The following NLRX1 variants were observed in gnomAD, a reference collection of about 807,000 sequenced individuals.
The protein encoded by NLRX1 is NOD-like receptor X1.
NLRX1 carries 67 observed loss-of-function variants against 74.2 expected under a neutral mutation model. The observed-to-expected ratio is 0.90, with a 90% confidence interval of 0.74 to 1.11. The LOEUF is 1.11. Among genes scored for constraint, NLRX1 ranks in the 50% least tolerant of loss-of-function variants. NLRX1 has a pLI of 0.00. For synonymous variants in NLRX1, 506 were observed against 559.1 expected, an observed-to-expected ratio of 0.91 and a Z score of 1.34; for missense variants, 1,191 against 1,305.4, an observed-to-expected ratio of 0.91 and a Z score of 1.35.
intron 6 of NLRX1, chr11:119,178,019 A>G (rs1405055600): frequency 2.0e-5 from 3 of 152,104 alleles, no homozygotes; most frequent in African/African-American, 4.8e-5. Flanking sequence ...AAACATGAAA[A>G]CAAGCCAGGT....
At chr11:119,169,787 C>T (rs1360698213) in intron 1 of NLRX1, among the ~76,000 whole-genome samples, 1 of 151,980 alleles carries the variant, frequency 6.6e-6, no homozygotes, top group African/African-American at 2.4e-5. Context: ...CCCAGGAGTT[C>T]GAGACCACCC....
In NLRX1 at chr11:119,180,301, C is replaced by G. The variant is rs768009791; in HGVS notation, c.2267+13C>G. Reference sequence around the variant, plus strand: ...CCCGGAAGCTGGGGTGAGGACCTATCCTCATGCACAGGCATGAAGAGGGAA... The same window carrying G: ...CCCGGAAGCTGGGGTGAGGACCTATGCTCATGCACAGGCATGAAGAGGGAA... On this transcript the variant is annotated intron_variant, in intron 7 of 9. Coordinates refer to ENST00000409109, the MANE Select transcript of NLRX1 (RefSeq NM_001282144.2). 2 of 1,551,126 alleles carry G rather than the reference C, an allele frequency of 1.3e-6. No homozygotes were observed. The highest frequency in any genetic ancestry group is 2.7e-5 in the African/African-American group (2 of 73,718).
Position 119,172,950 on chromosome 11 carries a change from G to C in NLRX1, c.190G>C (p.Gly64Arg). 6.2e-7 allele frequency: 1 copy of C among 1,613,868 alleles called. No individual in the cohort carries two copies. ...CTCGGTAGATAGCGCTCCCCCACCCGGGAGGCATGGACGGCTGTTCCCCAG... is the reference window on the plus strand; with the variant it reads ...CTCGGTAGATAGCGCTCCCCCACCCCGGAGGCATGGACGGCTGTTCCCCAG... ...GSSVDSAPPP[G>R]RHGRLFPSAS... is the part of the protein sequence containing the mutation. The change falls in exon 4 of 10, where the codon GGG (glycine) becomes CGG (arginine). Residue 64 changes from glycine (G) to arginine (R), a missense_variant. Gly to Arg is a moderately radical substitution (Grantham distance 125). Transcript: ENST00000409109.
chr11:119,170,047 C>CT (rs1228791626), intron 1 of NLRX1, among the ~76,000 whole-genome samples: 3 of 136,124 alleles, frequency 2.2e-5, no homozygotes, highest in African/African-American at 5.4e-5. Flanking sequence ...GGTTGGGACT[C>CT]TAACAGAGGA....
At position 119,183,366 on chromosome 11, in the gene NLRX1, G is replaced by A. The variant is rs766310885; in HGVS notation, c.2855G>A (p.Arg952His). Residue 952 changes from arginine to histidine, a missense_variant, in exon 10 of 10, where the codon CGC becomes CAC. By Grantham distance (29) the Arg-to-His change is conservative. Transcript: ENST00000409109. The surrounding 1 kb of genome is among the most constrained non-coding windows in gnomAD (Gnocchi z 5.7). ...DSRGATLNPW[R>H]KAQLLRVEGE... The stretch of plus-strand genomic sequence containing the variant: ...CGGGGTGCCACCCTTAATCCTTGGC[G>A]CAAGGCCCAGCTGCTGCGAGTGGAG... The A allele has an allele frequency of 2.2e-5, 35 of 1,614,176 alleles. No homozygotes were observed. The Middle Eastern group carries it at 6.6e-4, about 30-fold the overall frequency.
intron 6 of NLRX1, among the ~76,000 whole-genome samples, 171 bp downstream of exon 6, chr11:119,175,445 G>T (rs1209624293): frequency 6.6e-6 from 1 of 152,224 alleles, no homozygotes; most frequent in Non-Finnish European, 1.5e-5. Flanking sequence ...TCAGCTCTGA[G>T]CATTTTGGCT....
Position 119,172,946 on chromosome 11 carries a change from A to AC in NLRX1, c.189dup (p.Gly64ArgfsTer14), listed in dbSNP as rs776804178. The AC allele has an allele frequency of 6.2e-7, 1 of 1,613,660 alleles. No individual in the cohort carries two copies. Among genetic ancestry groups the AC allele is most frequent in the Non-Finnish European group, 8.5e-7 (1 of 1,179,872 alleles). ...GAAGCTCGGTAGATAGCGCTCCCCC[A>AC]CCCGGGAGGCATGGACGGCTGTTCC... On this transcript the variant is annotated frameshift_variant, in exon 4 of 10. Transcript: ENST00000409109. LOFTEE classifies it high-confidence loss of function.
rs139350263 is a variant in NLRX1 at position 119,172,927 on chromosome 11, C to T, written c.167C>T (p.Ser56Leu). Residue 56 changes from serine (S) to leucine (L), a missense_variant, in exon 4 of 10, where the codon TCG becomes TTG. Physicochemically the swap from Ser to Leu is moderately radical, Grantham distance 145. Coordinates refer to ENST00000409109, the MANE Select transcript of NLRX1 (RefSeq NM_001282144.2). ...GCCTTTATACGCCACCACGGAAGCT[C>T]GGTAGATAGCGCTCCCCCACCCGGG... is the stretch of plus-strand genomic sequence containing the variant. ...PRAFIRHHGS[S>L]VDSAPPPGRH... The T allele has an allele frequency of 1.4e-5, 23 of 1,613,834 alleles. No individual in the cohort carries two copies. The highest frequency in any genetic ancestry group is 8.0e-5 in the African/African-American group (6 of 74,868).
At chr11:119,171,252 G>A in intron 1 of NLRX1, 104 bp from the exon 2 acceptor site, 1 of 705,792 alleles carries the variant, frequency 1.4e-6, no homozygotes, top group Non-Finnish European at 2.2e-6. Context: ...TTTGAGGAAG[G>A]GCTGATCCTC....
chr11:119,174,438 C>A lies in NLRX1; in HGVS notation c.850-15C>A. ...CACTAAGGTCTTTCTTAACTCTCAACCATGCTCTTCCCAGGCCAGCATTCT... is the reference window on the plus strand; with the variant it reads ...CACTAAGGTCTTTCTTAACTCTCAAACATGCTCTTCCCAGGCCAGCATTCT... On this transcript the variant is annotated splice_polypyrimidine_tract_variant and intron_variant, in intron 5 of 9. Transcript: ENST00000409109. The A allele has an allele frequency of 6.2e-7, 1 of 1,608,408 alleles. No individual in the cohort carries two copies. The highest frequency in any genetic ancestry group is 8.5e-7 in the Non-Finnish European group (1 of 1,176,536).
At chr11:119,181,047 A>C (rs1257782283) in intron 7 of NLRX1, 124 bp from the exon 8 acceptor site, 2 of 715,976 alleles carry the variant, frequency 2.8e-6, no homozygotes, top group Admixed American at 2.0e-5. Context: ...TCTCTCAAAA[A>C]AGGGGAAGCA....
Position 119,182,189 on chromosome 11 carries a change from C to G in NLRX1, c.2450C>G (p.Thr817Arg). 6.2e-7 allele frequency: 1 copy of G among 1,614,118 alleles called. No homozygotes were observed. Among genetic ancestry groups the G allele is most frequent in the South Asian group, 1.1e-5 (1 of 91,084 alleles). ...TSVTHLSLLH[T>R]GLGDEGLELL... is the part of the protein sequence containing the mutation. ...GTGACGCACCTGTCCCTGCTGCACA[C>G]GGGCCTTGGGGACGAAGGCCTGGAG... is the stretch of plus-strand genomic sequence containing the variant. The change falls in exon 9 of 10, where the codon ACG becomes AGG. Residue 817 changes from threonine (T) to arginine (R), a missense_variant. Thr to Arg is a moderately conservative substitution (Grantham distance 71). Transcript: ENST00000409109.
At chr11:119,170,000 G>GAAAAAA (rs59630475) in intron 1 of NLRX1, among the ~76,000 whole-genome samples, 5 of 40,306 alleles carry the variant, frequency 1.2e-4, no homozygotes, top group Non-Finnish European at 1.7e-4. Context: ...CCTGTCTCAG[G>GAAAAAA]AAAAAAAAAA....
chr11:119,177,874 G>A (rs1485255745), intron 6 of NLRX1: 2 of 152,200 alleles, frequency 1.3e-5, no homozygotes, highest in African/African-American at 4.8e-5. Context: ...TGGAGGGAGG[G>A]TTGCCCTGGC....
rs1040783036 is a variant in NLRX1 at position 119,174,743 on chromosome 11, C to T, written c.1140C>T (p.Thr380=). ...CCTATTGCTGGCTCGTTTGTGCCAC[C>T]TTGCACTTCCTGCATGCCCCCACGC... The part of the protein sequence containing the change: ...LPSYCWLVCA[T]LHFLHAPTPA... Residue 380 remains threonine, a synonymous_variant, in exon 6 of 10, where the codon ACC becomes ACT. Transcript: ENST00000409109. 6.2e-7 allele frequency: 1 copy of T among 1,613,822 alleles called. No homozygotes were observed. Among genetic ancestry groups the T allele is most frequent in the Admixed American group, 1.7e-5 (1 of 60,024 alleles).
rs1183095065 is a variant in NLRX1 at position 119,169,266 on chromosome 11, G to A, written c.-85G>A. On this transcript the variant is annotated 5_prime_UTR_variant, in exon 1 of 10. Transcript: ENST00000409109. The stretch of plus-strand genomic sequence containing the variant: ...AGGAGAGCTGTTTGGGACCCAGTTT[G>A]GTGGAGGAGCTCTGGACCTGTAGGA... The A allele has an allele frequency of 6.6e-6, 1 of 152,552 alleles. No individual in the cohort carries two copies. The highest frequency in any genetic ancestry group is 1.5e-5 in the Non-Finnish European group (1 of 68,312). The allele number at this position is 152,552 out of a possible 1,614,324, so 9.4% of individuals were successfully genotyped here. A position where few individuals can be genotyped will look rare whatever the true frequency, so the allele number is the denominator to read the frequency against.
upstream of NLRX1, chr11:119,168,356 C>T (rs1948453990): frequency 6.6e-6 from 1 of 152,268 alleles, no homozygotes; most frequent in Non-Finnish European, 1.5e-5. Flanking sequence ...CCAAGGTTAC[C>T]AGCAGCCACA....
At chr11:119,175,896 T>C (rs1168360355) in intron 6 of NLRX1, among the ~76,000 whole-genome samples, 1 of 152,224 alleles carries the variant, frequency 6.6e-6, no homozygotes, top group African/African-American at 2.4e-5. Flanking sequence ...CTCTGTGTGA[T>C]GTGTGCCAGG....
chr11:119,174,602 T>G lies in NLRX1; in HGVS notation c.999T>G (p.Tyr333Ter), dbSNP rs749164488. The G allele has an allele frequency of 2.8e-5, 45 of 1,614,082 alleles. No homozygotes were observed. The Admixed American group carries it at 7.5e-4, about 27-fold the overall frequency. Residue 333 changes from tyrosine (Y) to a stop codon, truncating the protein, a stop_gained, in exon 6 of 10, where the codon TAT (tyrosine) becomes TAG (stop). Coordinates refer to ENST00000409109, the MANE Select transcript of NLRX1 (RefSeq NM_001282144.2). LOFTEE classifies it high-confidence loss of function. ...GCCTCAACCAGCCGTACTGCGGGTA[T>G]GCCGTTGGCGGTTCAGGTGTCTCTG... The part of the protein sequence containing the change: ...QLRLNQPYCG[Y>*]AVGGSGVSAT...
Sources: allele counts gnomAD v4.1 joint callset (sites outside exome capture counted in the v4.1 genomes callset), GRCh38; gene constraint gnomAD v4.1.1; non-coding constraint Gnocchi (gnomAD v3.1); transcripts MANE v1.5; gene names NCBI Gene and HGNC (gene_info 2026-07-23, HGNC 2026-07-21).